KCNC2: variants seen among roughly 807,000 people sequenced by gnomAD.
KCNC2 encodes voltage-gated potassium channel KCNC2.
Under a neutral mutation model 44.5 loss-of-function variants are expected in KCNC2, and 21 were observed. The ratio of observed to expected loss-of-function variants is 0.47; its 90% CI spans 0.33 to 0.68. KCNC2 has a LOEUF of 0.68. KCNC2 is among the 30% of genes least tolerant of loss of function. The pLI is 0.01. For synonymous variants in KCNC2, 391 were observed against 339.1 expected, an observed-to-expected ratio of 1.15 and a Z score of -1.68; for missense variants, 589 against 826.2, an observed-to-expected ratio of 0.71 and a Z score of 3.52.
At chr12:75,116,701 G>A (rs956649347) in intron 2 of KCNC2, among the ~76,000 whole-genome samples, 1 of 152,108 alleles carries the variant, frequency 6.6e-6, no homozygotes, top group African/African-American at 2.4e-5. Flanking sequence ...CATAGGAAAG[G>A]CTGATTAAAA....
intron 2 of KCNC2, among the ~76,000 whole-genome samples, chr12:75,162,730 A>C (rs1191371649): frequency 6.6e-6 from 1 of 151,730 alleles, no homozygotes; most frequent in African/African-American, 2.4e-5. Flanking sequence ...TCCTCAAAAA[A>C]ACCTCTATTT....
chr12:75,114,439 C>T (rs974878728), intron 2 of KCNC2, among the ~76,000 whole-genome samples: 1 of 152,174 alleles, frequency 6.6e-6, no homozygotes, highest in Non-Finnish European at 1.5e-5. Context: ...ATACCAAGCA[C>T]TATGCTAGTA....
At chr12:75,185,426 A>G (rs189055276) in intron 2 of KCNC2, among the ~76,000 whole-genome samples, 5 of 152,210 alleles carry the variant, frequency 3.3e-5, no homozygotes, top group Non-Finnish European at 5.9e-5. Context: ...TGGGCGCATG[A>G]CCTGCATGAA....
intron 2 of KCNC2, among the ~76,000 whole-genome samples, chr12:75,150,477 A>G (rs1890311839): frequency 6.6e-6 from 1 of 151,780 alleles, no homozygotes; most frequent in African/African-American, 2.4e-5. Context: ...TCTTTCTTTA[A>G]TCATGAACAC....
In KCNC2 at chr12:75,207,177, G is replaced by A. The variant is rs1258366160; in HGVS notation, c.687+120C>T. 18 of 1,446,084 alleles carry A rather than the reference G, an allele frequency of 1.2e-5. No homozygotes were observed. Among genetic ancestry groups the A allele is most frequent in the African/African-American group, 4.3e-5 (3 of 69,228 alleles). 89.6% of individuals were successfully genotyped at this position (1,446,084 alleles called of 1,614,324 possible). ...GGATGAGCCTCTAACTGTATCGCTA[G>A]GAAATCCCGGGTCTCTTCTACCCCC... On this transcript the variant is annotated intron_variant, in intron 2 of 4. Coordinates refer to ENST00000549446, the MANE Select transcript of KCNC2 (RefSeq NM_139137.4). The surrounding 1 kb of genome is among the most constrained non-coding windows in gnomAD (Gnocchi z 4.1).
At chr12:75,058,895 T>C (rs1882022490) in intron 2 of KCNC2, among the ~76,000 whole-genome samples, 3 of 152,102 alleles carry the variant, frequency 2.0e-5, no homozygotes, top group Admixed American at 2.0e-4. Context: ...AGAGCTGTAG[T>C]ACTTTTTCTT....
chr12:75,201,433 G>A (rs1378701577), intron 2 of KCNC2, among the ~76,000 whole-genome samples: 2 of 151,678 alleles, frequency 1.3e-5, no homozygotes, highest in Non-Finnish European at 3.0e-5. Flanking sequence ...TTTTAGAGCT[G>A]AAGTTTAGAT....
chr12:75,150,506 C>T (rs1028438744), intron 2 of KCNC2, among the ~76,000 whole-genome samples: 2 of 151,842 alleles, frequency 1.3e-5, no homozygotes, highest in Non-Finnish European at 2.9e-5. Flanking sequence ...AAAAACTCCA[C>T]TCTCAAGGGT....
At chr12:75,059,826 AAT>A (rs1882127803) in intron 2 of KCNC2, among the ~76,000 whole-genome samples, 1 of 151,544 alleles carries the variant, frequency 6.6e-6, no homozygotes, top group African/African-American at 2.4e-5. Flanking sequence ...AGGAATTCAC[AAT>A]AGTCATAGAG....
chr12:75,103,986 T>C (rs775745834), intron 2 of KCNC2, among the ~76,000 whole-genome samples: 2 of 152,052 alleles, frequency 1.3e-5, no homozygotes, highest in East Asian at 1.9e-4. Flanking sequence ...GTGGTGTGAG[T>C]GTTAGGCTAC....
At chr12:75,059,022 C>T (rs1882036931) in intron 2 of KCNC2, among the ~76,000 whole-genome samples, 1 of 152,020 alleles carries the variant, frequency 6.6e-6, no homozygotes, top group African/African-American at 2.4e-5. Flanking sequence ...GTATGAGCAG[C>T]AGACACTAGA....
intron 2 of KCNC2, among the ~76,000 whole-genome samples, chr12:75,179,229 A>C (rs774651855): frequency 6.6e-6 from 1 of 151,998 alleles, no homozygotes; most frequent in Non-Finnish European, 1.5e-5. Context: ...GAAATGATAC[A>C]GTATTTTATT....
Position 75,042,607 on chromosome 12 carries a change from A to G in KCNC2, c.*498T>C, listed in dbSNP as rs768703571. On this transcript the variant is annotated 3_prime_UTR_variant, in exon 5 of 5. Transcript: ENST00000549446. ...CAAGTACACATATCCTGAGCTATCC[A>G]CAGTCCCCGAACTCTGCAACATTGC... 4.3e-4 allele frequency: 568 copies of G among 1,316,476 alleles called. 1 individual carries two copies. The highest frequency in any genetic ancestry group is 5.2e-4 in the Non-Finnish European group (536 of 1,032,922). The allele number at this position is 1,316,476 out of a possible 1,614,324, so 81.5% of individuals were successfully genotyped here. A position where few individuals can be genotyped will look rare whatever the true frequency, so the allele number is the denominator to read the frequency against.
intron 2 of KCNC2, among the ~76,000 whole-genome samples, chr12:75,067,848 C>G (rs1259167350): frequency 1.3e-5 from 2 of 151,920 alleles, no homozygotes; most frequent in African/African-American, 2.4e-5. Flanking sequence ...TCTATTCCCC[C>G]ACTCCTTACA....
intron 2 of KCNC2, among the ~76,000 whole-genome samples, chr12:75,197,573 G>A (rs556040842): frequency 5.3e-4 from 81 of 152,026 alleles, no homozygotes; most frequent in Admixed American, 1.6e-3. Flanking sequence ...CAAGTGTTGC[G>A]AAGGCAAGTG....
At chr12:75,074,871 TG>T (rs1211330613) in intron 2 of KCNC2, among the ~76,000 whole-genome samples, 17 of 152,310 alleles carry the variant, frequency 1.1e-4, no homozygotes, top group African/African-American at 4.1e-4. Context: ...AGAAACACAA[TG>T]TGCCTATGAA....
chr12:75,065,589 C>T (rs1387354818), intron 2 of KCNC2, among the ~76,000 whole-genome samples: 3 of 152,026 alleles, frequency 2.0e-5, no homozygotes, highest in Non-Finnish European at 4.4e-5. Context: ...ACACGCAATA[C>T]TTACCATTGT....
chr12:75,188,380 T>C lies in KCNC2; in HGVS notation c.687+18917A>G, dbSNP rs1217497835. ...CACTTTAAAACACAATGTAGTGTTG[T>C]TGGATTTAGCAAATAAAAATATAAG... On this transcript the variant is annotated intron_variant, in intron 2 of 4. Coordinates refer to ENST00000549446, the MANE Select transcript of KCNC2 (RefSeq NM_139137.4). Among the ~76,000 whole-genome samples the C allele has an allele frequency of 2.0e-5, 3 of 152,338 alleles. No homozygotes were observed. In the East Asian group the frequency reaches 5.8e-4, roughly 29 times the overall value.
At chr12:75,108,976 G>A (rs1887006655) in intron 2 of KCNC2, among the ~76,000 whole-genome samples, 1 of 152,144 alleles carries the variant, frequency 6.6e-6, no homozygotes, top group South Asian at 2.1e-4. Context: ...AAAAGTAAGA[G>A]AGTTATATAC....
Sources: allele counts gnomAD v4.1 joint callset (sites outside exome capture counted in the v4.1 genomes callset), GRCh38; gene constraint gnomAD v4.1.1; non-coding constraint Gnocchi (gnomAD v3.1); transcripts MANE v1.5; gene names NCBI Gene and HGNC (gene_info 2026-07-23, HGNC 2026-07-21).